SLC9A2: variants seen among roughly 807,000 people sequenced by gnomAD.
SLC9A2 encodes the protein solute carrier family 9 member A2.
Under a neutral mutation model 71.7 loss-of-function variants are expected in SLC9A2, and 42 were observed. That is an observed-to-expected ratio of 0.59 (90% CI 0.46 to 0.76). The LOEUF (loss-of-function observed/expected upper bound fraction) is 0.76, where lower values mean the gene tolerates loss of function less well. Ranked by LOEUF, SLC9A2 falls within the 30% of genes least tolerant of loss-of-function variation. The pLI, the probability that SLC9A2 is intolerant of heterozygous loss-of-function variation, is 0.00. For synonymous variants in SLC9A2, 396 were observed against 392.5 expected, an observed-to-expected ratio of 1.01 and a Z score of -0.10; for missense variants, 829 against 1,017.4, an observed-to-expected ratio of 0.81 and a Z score of 2.52.
intron 2 of SLC9A2, 47 bp from the exon 3 acceptor site, chr2:102,665,053 G>A (rs749018386): frequency 1.3e-6 from 2 of 1,577,770 alleles, no homozygotes; most frequent in South Asian, 1.2e-5. Context: ...AGTGACAATG[G>A]GGAAATGGGA....
At chr2:102,668,068 G>A (rs1003179429) in intron 3 of SLC9A2, among the ~76,000 whole-genome samples, 8 of 151,374 alleles carry the variant, frequency 5.3e-5, no homozygotes, top group African/African-American at 1.2e-4. Flanking sequence ...ATTGAGACTC[G>A]GTCTCAAAAA....
At chr2:102,691,145 G>A (rs150610841) in intron 5 of SLC9A2, among the ~76,000 whole-genome samples, 1 of 152,274 alleles carries the variant, frequency 6.6e-6, no homozygotes, top group Admixed American at 6.5e-5. Flanking sequence ...TCCTCTCCCT[G>A]CCCCTGCTGT....
intron 7 of SLC9A2, among the ~76,000 whole-genome samples, chr2:102,699,672 C>A (rs549651445): frequency 2.2e-4 from 34 of 152,262 alleles, no homozygotes; most frequent in Admixed American, 1.0e-3. Context: ...TCTGCTAGGG[C>A]TGCCATAACC....
Position 102,683,327 on chromosome 2 carries a change from G to A in SLC9A2, c.1071G>A (p.Thr357=), listed in dbSNP as rs762712306. ...AAAATGTATCTCAGAAATCCTACAC[G>A]ACCATCAAGTACTTCATGAAGATGC... ...VEENVSQKSY[T]TIKYFMKMLS... is the part of the protein sequence containing the mutation. The change falls in exon 4 of 12, where the codon ACG becomes ACA. Residue 357 remains threonine (T), a synonymous_variant. Transcript: ENST00000233969. 17 of 1,613,996 alleles carry A rather than the reference G, an allele frequency of 1.1e-5. No homozygotes were observed. In the South Asian group the frequency reaches 1.3e-4, roughly 13 times the overall value.
At chr2:102,705,622 T>C (rs1203417883) in intron 10 of SLC9A2, among the ~76,000 whole-genome samples, 2 of 152,228 alleles carry the variant, frequency 1.3e-5, no homozygotes, top group Non-Finnish European at 2.9e-5. Context: ...TTCTAATTTA[T>C]TTCCCACTTA....
chr2:102,632,117 T>TATACATATATACATATATATGTATAC, intron 1 of SLC9A2, among the ~76,000 whole-genome samples: 1 of 55,084 alleles, frequency 1.8e-5, no homozygotes, highest in East Asian at 7.8e-4. Context: ...TATATGTATA[T>TATACATATATACATATATATGTATAC]ATACATATAT....
intron 3 of SLC9A2, among the ~76,000 whole-genome samples, chr2:102,679,501 C>T (rs1305433789): frequency 1.3e-5 from 2 of 151,896 alleles, no homozygotes; most frequent in South Asian, 2.1e-4. Flanking sequence ...TCTGCCTCAG[C>T]CTCCCAAGTA....
At chr2:102,661,605 A>G (rs1468104393) in intron 2 of SLC9A2, among the ~76,000 whole-genome samples, 4 of 152,182 alleles carry the variant, frequency 2.6e-5, no homozygotes, top group African/African-American at 9.7e-5. Flanking sequence ...TCACAGAATT[A>G]GTGTGCTTTT....
chr2:102,668,409 T>A (rs1046884035), intron 3 of SLC9A2, among the ~76,000 whole-genome samples: 2 of 152,142 alleles, frequency 1.3e-5, no homozygotes, highest in Admixed American at 1.3e-4. Flanking sequence ...GTAATTATTG[T>A]ATTTACTTCA....
In SLC9A2 at chr2:102,708,483, G is replaced by A. The variant is rs1423367479; in HGVS notation, c.2433G>A (p.Lys811=). The A allele has an allele frequency of 1.9e-6, 3 of 1,613,276 alleles. No homozygotes were observed. Among genetic ancestry groups the A allele is most frequent in the Non-Finnish European group, 2.5e-6 (3 of 1,179,626 alleles). ...GGAAAGCCCGATTTGGGAGTGAGAA[G>A]CCTTAAGAGAAGCAGCGAAAGCAGA... ...GSRKARFGSE[K]P is the part of the protein sequence containing the mutation. Residue 811 remains lysine (K), a synonymous_variant, in exon 12 of 12, where the codon AAG becomes AAA. Transcript: ENST00000233969.
intron 1 of SLC9A2, among the ~76,000 whole-genome samples, chr2:102,639,625 C>T (rs1276306300): frequency 6.6e-6 from 1 of 152,174 alleles, no homozygotes; most frequent in Non-Finnish European, 1.5e-5. Context: ...CAGTGTTTTG[C>T]AACTACTACC....
chr2:102,666,395 C>T lies in SLC9A2; in HGVS notation c.1004+1045C>T, dbSNP rs566642693. On this transcript the variant is annotated intron_variant, in intron 3 of 11. Coordinates refer to ENST00000233969, the MANE Select transcript of SLC9A2 (RefSeq NM_003048.6). ...TGTATTTTTAGTAGAGACGGGGTTT[C>T]ACCGTGTGAGCCAGTATGGTCTCAA... Among the ~76,000 whole-genome samples, 14 of 152,160 alleles carry T rather than the reference C, an allele frequency of 9.2e-5. No individual in the cohort carries two copies. The South Asian group carries it at 2.1e-3, about 23-fold the overall frequency.
intron 1 of SLC9A2, among the ~76,000 whole-genome samples, chr2:102,625,568 G>A (rs955573092): frequency 3.3e-5 from 5 of 150,896 alleles, no homozygotes; most frequent in Non-Finnish European, 5.9e-5. Flanking sequence ...AGAACATGAG[G>A]TGTTTGGTTT....
chr2:102,690,354 G>A (rs929415177), intron 5 of SLC9A2, among the ~76,000 whole-genome samples: 1 of 152,154 alleles, frequency 6.6e-6, no homozygotes, highest in African/African-American at 2.4e-5. Flanking sequence ...GGGTCAGTGA[G>A]GAGAACAAAA....
At chr2:102,635,469 C>T (rs1057403778) in intron 1 of SLC9A2, among the ~76,000 whole-genome samples, 3 of 152,196 alleles carry the variant, frequency 2.0e-5, no homozygotes, top group African/African-American at 7.2e-5. Flanking sequence ...ACAGCCCTGG[C>T]CCTAGTTTCT....
At chr2:102,680,892 C>T (rs982763226) in intron 3 of SLC9A2, among the ~76,000 whole-genome samples, 7 of 152,006 alleles carry the variant, frequency 4.6e-5, no homozygotes, top group South Asian at 4.2e-4. Context: ...GTCAGAGGGA[C>T]GTGGCACGAG....
intron 5 of SLC9A2, among the ~76,000 whole-genome samples, 185 bp downstream of exon 5, chr2:102,684,521 G>A (rs142853779): frequency 1.3e-5 from 2 of 152,258 alleles, no homozygotes; most frequent in East Asian, 3.9e-4. Context: ...GTCCAATTTG[G>A]TCACTTGGCC....
chr2:102,632,138 G>GTATATATACATATATACACA (rs1676382923), intron 1 of SLC9A2, among the ~76,000 whole-genome samples: 7 of 97,434 alleles, frequency 7.2e-5, no homozygotes, highest in Admixed American at 1.2e-4. Context: ...ACATATATAT[G>GTATATATACATATATACACA]TATATATACA....
intron 1 of SLC9A2, among the ~76,000 whole-genome samples, chr2:102,642,283 T>C (rs1207426795): frequency 6.6e-6 from 1 of 152,166 alleles, no homozygotes; most frequent in African/African-American, 2.4e-5. Flanking sequence ...GTGGTTAAAA[T>C]TGACATTTAG....
Sources: allele counts gnomAD v4.1 joint callset (sites outside exome capture counted in the v4.1 genomes callset), GRCh38; gene constraint gnomAD v4.1.1; transcripts MANE v1.5; gene names NCBI Gene and HGNC (gene_info 2026-07-23, HGNC 2026-07-21).